ENTREP2: variants seen among roughly 807,000 people sequenced by gnomAD.
ENTREP2 encodes the protein endosomal transmembrane epsin interactor 2.
At chr15:29,274,817 A>G in the ENTREP2 span, among the ~76,000 whole-genome samples, 1 of 152,332 alleles carries the variant, frequency 6.6e-6, no homozygotes, top group Non-Finnish European at 1.5e-5. Flanking sequence ...AGGACACAGG[A>G]GCGCTTGTTA....
the ENTREP2 span, among the ~76,000 whole-genome samples, chr15:29,181,821 T>C: frequency 2.0e-5 from 3 of 152,196 alleles, no homozygotes; most frequent in South Asian, 2.1e-4. Context: ...CAAAATGGGA[T>C]TCCCTTCATC....
At chr15:29,396,332 T>A in the ENTREP2 span, among the ~76,000 whole-genome samples, 8 of 152,186 alleles carry the variant, frequency 5.3e-5, no homozygotes, top group South Asian at 1.2e-3. Flanking sequence ...TTTTTTTTTT[T>A]AGAGTCTACG....
the ENTREP2 span, among the ~76,000 whole-genome samples, chr15:29,329,836 A>G: frequency 6.6e-6 from 1 of 152,250 alleles, no homozygotes; most frequent in East Asian, 1.9e-4. Flanking sequence ...CCATATTTCT[A>G]TAAATACATG....
chr15:29,571,242 G>A, the ENTREP2 span, among the ~76,000 whole-genome samples: 6 of 152,098 alleles, frequency 3.9e-5, no homozygotes, highest in South Asian at 2.1e-4. Context: ...GAGCGGGGGC[G>A]GCAGCGCATC....
At chr15:29,288,797 C>T in the ENTREP2 span, among the ~76,000 whole-genome samples, 2 of 152,136 alleles carry the variant, frequency 1.3e-5, no homozygotes, top group African/African-American at 4.8e-5. Context: ...TCATTAAGCA[C>T]ATAACACATA....
chr15:29,255,661 A>T, the ENTREP2 span, among the ~76,000 whole-genome samples: 4 of 152,128 alleles, frequency 2.6e-5, no homozygotes, highest in Non-Finnish European at 5.9e-5. Flanking sequence ...GATAAGGAAA[A>T]TTCCATGGTA....
At chr15:29,301,867 C>A in the ENTREP2 span, among the ~76,000 whole-genome samples, 2 of 152,162 alleles carry the variant, frequency 1.3e-5, no homozygotes, top group African/African-American at 4.8e-5. Flanking sequence ...GAGGAGGTAC[C>A]ATCTATGAAG....
the ENTREP2 span, among the ~76,000 whole-genome samples, chr15:29,143,429 G>T: frequency 5.3e-5 from 8 of 152,212 alleles, no homozygotes; most frequent in Non-Finnish European, 5.9e-5. Context: ...GAGCAGAGTT[G>T]CCAGGCTGCA....
the ENTREP2 span, among the ~76,000 whole-genome samples, chr15:29,388,847 A>G: frequency 1.3e-5 from 2 of 151,924 alleles, no homozygotes; most frequent in Admixed American, 1.3e-4. Flanking sequence ...CATCATTCTC[A>G]GCAAACTATC....
chr15:29,592,078 G>C, the ENTREP2 span, among the ~76,000 whole-genome samples: 2 of 152,128 alleles, frequency 1.3e-5, no homozygotes, highest in Non-Finnish European at 2.9e-5. Flanking sequence ...ACTGTGAAGT[G>C]ACAAATTTCT....
chr15:29,624,332 C>T, the ENTREP2 span, among the ~76,000 whole-genome samples: 101 of 144,514 alleles, frequency 7.0e-4, 1 homozygote, highest in Middle Eastern at 6.9e-3. Flanking sequence ...CATGCACGTG[C>T]GCACACACAC....
chr15:29,548,469 G>T, the ENTREP2 span, among the ~76,000 whole-genome samples: 2 of 98,016 alleles, frequency 2.0e-5, no homozygotes, highest in Non-Finnish European at 4.2e-5. Context: ...AAAAAAAAAA[G>T]TTAAGATGGT....
At chr15:29,566,846 T>TACACACACACAC in the ENTREP2 span, among the ~76,000 whole-genome samples, 4,337 of 146,114 alleles carry the variant, frequency 0.03, 83 homozygotes, top group African/African-American at 0.056. Context: ...AAAGGAAAAA[T>TACACACACACAC]ACACACACAC....
the ENTREP2 span, chr15:29,269,625 G>A: frequency 1.9e-6 from 3 of 1,569,446 alleles, no homozygotes; most frequent in African/African-American, 1.4e-5. Flanking sequence ...GCGAAGCCCC[G>A]GGGTTTCCGC....
chr15:29,269,998 G>A, the ENTREP2 span, among the ~76,000 whole-genome samples: 1 of 152,140 alleles, frequency 6.6e-6, no homozygotes, highest in Non-Finnish European at 1.5e-5. Context: ...AGCGAGAACC[G>A]AAACTCCTAA....
chr15:29,479,684 TACACACACACAC>T, the ENTREP2 span, among the ~76,000 whole-genome samples: 7 of 148,222 alleles, frequency 4.7e-5, no homozygotes, highest in African/African-American at 1.5e-4. Context: ...CACACATACA[TACACACACACAC>T]ACACACACAC....
At chr15:29,159,345 C>T in the ENTREP2 span, among the ~76,000 whole-genome samples, 1 of 152,180 alleles carries the variant, frequency 6.6e-6, no homozygotes. Flanking sequence ...CACGGTGTTA[C>T]AGCTCATAAA....
the ENTREP2 span, among the ~76,000 whole-genome samples, chr15:29,370,777 T>C: frequency 6.6e-6 from 1 of 152,144 alleles, no homozygotes; most frequent in East Asian, 1.9e-4. Flanking sequence ...TGTGAGAGCA[T>C]GGGCTCTGAA....
chr15:29,621,217 G>A, the ENTREP2 span, among the ~76,000 whole-genome samples: 9 of 151,280 alleles, frequency 5.9e-5, no homozygotes, highest in African/African-American at 1.2e-4. Flanking sequence ...GTGAAACCCC[G>A]TCTCTACTAA....
Sources: gnomAD v4.1 joint callset for allele counts (sites outside exome capture counted in the v4.1 genomes callset) on GRCh38, gnomAD v4.1.1 for gene constraint, MANE v1.5 for transcripts, NCBI Gene and HGNC (gene_info 2026-07-23, HGNC 2026-07-21) for gene names.